The following MIB1 variants were observed in gnomAD, a reference collection of about 807,000 sequenced individuals.
The protein encoded by MIB1 is MIB E3 ubiquitin protein ligase 1, also known as E3 ubiquitin-protein ligase MIB1.
Under a neutral mutation model 124.5 loss-of-function variants are expected in MIB1, and 278 were observed. The observed-to-expected ratio is 2.23, with a 90% CI of 2.02 to 2.47. The LOEUF is 2.47. Among genes scored for constraint, MIB1 ranks in the 30% most tolerant of loss-of-function variants. MIB1 has a pLI of 0.00. For missense variants in MIB1, 957 were observed against 1,254.4 expected (o/e 0.76, Z 3.58); for synonymous variants, 446 against 429.4 (o/e 1.04, Z -0.48).
In MIB1 at chr18:21,798,222, T is replaced by C. The variant is rs111914013; in HGVS notation, c.1231T>C (p.Ser411Pro). The C allele has an allele frequency of 6.2e-7, 1 of 1,612,916 alleles. No homozygotes were observed. The highest frequency in any genetic ancestry group is 1.1e-5 in the South Asian group (1 of 90,996). ...ASAGSAISNA[S>P]GERLSQLLKK... Reference sequence around the variant, plus strand: ...TGCAGGATCAGCCATTAGCAATGCATCTGGTGGTATGTTTTATATTGTGTT... The same window carrying C: ...TGCAGGATCAGCCATTAGCAATGCACCTGGTGGTATGTTTTATATTGTGTT... The change falls in exon 8 of 21, where the codon TCT becomes CCT. Residue 411 changes from serine to proline, a missense_variant. By Grantham distance (74) the Ser-to-Pro change is moderately conservative. Transcript: ENST00000261537.
At chr18:21,746,509 T>C (rs2040914787) in intron 1 of MIB1, among the ~76,000 whole-genome samples, 1 of 152,200 alleles carries the variant, frequency 6.6e-6, no homozygotes, top group Non-Finnish European at 1.5e-5. Context: ...ATATGGGATG[T>C]TATTTAATTA....
chr18:21,726,113 C>T (rs962893032), intron 1 of MIB1, among the ~76,000 whole-genome samples: 18 of 152,118 alleles, frequency 1.2e-4, no homozygotes, highest in African/African-American at 3.6e-4. Flanking sequence ...GGAATGGGGG[C>T]TCACAGCTGT....
At chr18:21,793,510 G>A (rs1311032092) in intron 7 of MIB1, among the ~76,000 whole-genome samples, 1 of 152,094 alleles carries the variant, frequency 6.6e-6, no homozygotes, top group African/African-American at 2.4e-5. Flanking sequence ...GGCCAGACGT[G>A]GTGGCTCATG....
chr18:21,807,931 G>A (rs934917466), intron 10 of MIB1, among the ~76,000 whole-genome samples: 2 of 152,064 alleles, frequency 1.3e-5, no homozygotes, highest in Non-Finnish European at 2.9e-5. Flanking sequence ...AATACTCATA[G>A]CCAGTTTTAT....
intron 1 of MIB1, among the ~76,000 whole-genome samples, chr18:21,745,770 G>A (rs528876018): frequency 1.3e-5 from 2 of 152,094 alleles, no homozygotes; most frequent in South Asian, 2.1e-4. Context: ...GCAGTGGTGT[G>A]ACCTCGGCTC....
In MIB1 at chr18:21,741,974, G is replaced by A. The variant is rs969809917; in HGVS notation, c.229+162G>A. 6.6e-6 allele frequency among the ~76,000 whole-genome samples: 1 copy of A among 152,212 alleles called. No homozygotes were observed. The highest frequency in any genetic ancestry group is 2.4e-5 in the African/African-American group (1 of 41,464). ...AAGCGCCAAAGGAATTCTAGGTTCCGAACGGGTGAACAAACACTTTCAGAA... is the reference window on the plus strand; with the variant it reads ...AAGCGCCAAAGGAATTCTAGGTTCCAAACGGGTGAACAAACACTTTCAGAA... On this transcript the variant is annotated intron_variant, in intron 1 of 20. Transcript: ENST00000261537. This position sits in a 1 kb window ranked among gnomAD's most constrained non-coding sequence, Gnocchi z 5.4.
chr18:21,769,974 C>A (rs148822280), intron 3 of MIB1, among the ~76,000 whole-genome samples: 37 of 152,244 alleles, frequency 2.4e-4, no homozygotes, highest in African/African-American at 8.7e-4. Context: ...GAGGCTGAGG[C>A]GGGTGGATCA....
intron 9 of MIB1, among the ~76,000 whole-genome samples, chr18:21,801,830 T>C (rs1343893173): frequency 6.6e-6 from 1 of 152,174 alleles, no homozygotes. Context: ...AATCTCCGTC[T>C]GAACAGGGTC....
chr18:21,738,103 C>G (rs140227143), upstream of MIB1, among the ~76,000 whole-genome samples: 88 of 152,312 alleles, frequency 5.8e-4, no homozygotes, highest in Non-Finnish European at 1.0e-3. Flanking sequence ...CGCACTTATT[C>G]TAAAATTCTA....
chr18:21,727,819 C>T (rs1262559348), intron 1 of MIB1, among the ~76,000 whole-genome samples: 1 of 152,068 alleles, frequency 6.6e-6, no homozygotes, highest in Non-Finnish European at 1.5e-5. Context: ...GGTTTCCTGG[C>T]CTTGAAGAAG....
intron 1 of MIB1, among the ~76,000 whole-genome samples, chr18:21,765,008 T>C (rs2041140671): frequency 6.6e-6 from 1 of 152,200 alleles, no homozygotes; most frequent in African/African-American, 2.4e-5. Context: ...ACAAGTGATA[T>C]TAATATAACA....
chr18:21,865,260 G>C lies in MIB1; in HGVS notation c.*594G>C, dbSNP rs1314033146. ...GAGTAAATGGAAGCATAGAATGAGG[G>C]AATAATGACTTTGCATTTCTCTTGT... On this transcript the variant is annotated 3_prime_UTR_variant, in exon 21 of 21. Transcript: ENST00000261537. 1 of 152,114 alleles carries C rather than the reference G, an allele frequency of 6.6e-6. No homozygotes were observed. The highest frequency in any genetic ancestry group is 2.4e-5 in the African/African-American group (1 of 41,426). The allele number at this position is 152,114 out of a possible 1,614,324, so 9.4% of individuals were successfully genotyped here. A position where few individuals can be genotyped will look rare whatever the true frequency, so the allele number is the denominator to read the frequency against.
At position 21,773,706 on chromosome 18, in the gene MIB1, A is replaced by G. The variant is rs553929427; in HGVS notation, c.614A>G (p.Tyr205Cys). ...TGGGATAATGGTGCTAAGAACCTTT[A>G]CAGAGTTGGCTTTGAGGGCATGGTA... ...VLWDNGAKNL[Y>C]RVGFEGMSDL... Residue 205 changes from tyrosine (Y) to cysteine (C), a missense_variant, in exon 4 of 21, where the codon TAC (tyrosine) becomes TGC (cysteine). Physicochemically the swap from Tyr to Cys is radical, Grantham distance 194 (BLOSUM62 -2). Coordinates refer to ENST00000261537, the MANE Select transcript of MIB1 (RefSeq NM_020774.4). 1.9e-6 allele frequency: 3 copies of G among 1,603,714 alleles called. No homozygotes were observed. The highest frequency in any genetic ancestry group is 1.1e-5 in the South Asian group (1 of 88,790).
intron 7 of MIB1, among the ~76,000 whole-genome samples, chr18:21,791,861 G>A (rs140072727): frequency 6.6e-6 from 1 of 152,232 alleles, no homozygotes; most frequent in African/African-American, 2.4e-5. Flanking sequence ...ATAGGTCTAT[G>A]CCCATCTGGT....
At chr18:21,745,904 A>G (rs2040907860) in intron 1 of MIB1, among the ~76,000 whole-genome samples, 1 of 151,984 alleles carries the variant, frequency 6.6e-6, no homozygotes, top group Non-Finnish European at 1.5e-5. Flanking sequence ...ACGGGGTTTC[A>G]CCATGTTGGC....
intron 3 of MIB1, among the ~76,000 whole-genome samples, chr18:21,773,415 G>A (rs941451610): frequency 2.0e-5 from 3 of 152,104 alleles, no homozygotes; most frequent in African/African-American, 7.2e-5. Flanking sequence ...AGAGGTTTTA[G>A]AAATTACCTT....
At chr18:21,781,389 ATATATATATATATATATATATATAT>A (rs1568199014) in intron 6 of MIB1, among the ~76,000 whole-genome samples, 14 of 68,250 alleles carry the variant, frequency 2.1e-4, no homozygotes, top group East Asian at 1.5e-3. Context: ...ATATATATAT[ATATATATATATATATATATATATAT>A]AAAATTATTA....
At chr18:21,715,383 T>G (rs1341862265) in intron 1 of MIB1, among the ~76,000 whole-genome samples, 1 of 152,120 alleles carries the variant, frequency 6.6e-6, no homozygotes, top group Non-Finnish European at 1.5e-5. Flanking sequence ...CCCTAGACTT[T>G]CCCTCTGACA....
chr18:21,748,532 C>T (rs1003869017), intron 1 of MIB1, among the ~76,000 whole-genome samples: 10 of 151,520 alleles, frequency 6.6e-5, no homozygotes, highest in Non-Finnish European at 1.2e-4. Context: ...TGGGCTCAAG[C>T]CATCTTCCCA....
Sources: gnomAD v4.1 joint callset for allele counts (sites outside exome capture counted in the v4.1 genomes callset) on GRCh38, gnomAD v4.1.1 for gene constraint, Gnocchi (gnomAD v3.1) non-coding constraint, MANE v1.5 for transcripts, NCBI Gene and HGNC (gene_info 2026-07-23, HGNC 2026-07-21) for gene names.